Variants in INPP4B observed in about 807,000 individuals in gnomAD.
INPP4B encodes inositol polyphosphate 4-phosphatase type II.
INPP4B carries 55 observed loss-of-function variants against 122.5 expected under a neutral mutation model. That is an observed-to-expected ratio of 0.45 (90% CI 0.36 to 0.56). The LOEUF (loss-of-function observed/expected upper bound fraction) is 0.56, where lower values mean the gene tolerates loss of function less well. INPP4B is among the 20% of genes least tolerant of loss of function. The probability of loss-of-function intolerance (pLI) is 0.00; values close to 1 mark genes in which losing one functional copy is unlikely to be tolerated. For synonymous variants in INPP4B, 403 were observed against 388.7 expected (o/e 1.04, Z -0.43); for missense variants, 1,000 against 1,097.7 (o/e 0.91, Z 1.26).
intron 12 of INPP4B, among the ~76,000 whole-genome samples, chr4:142,219,394 TA>T (rs1240990160): frequency 6.6e-6 from 1 of 152,218 alleles, no homozygotes; most frequent in Non-Finnish European, 1.5e-5. Flanking sequence ...TTGATAAAGT[TA>T]AATTGGTATT....
intron 1 of INPP4B, among the ~76,000 whole-genome samples, chr4:142,741,424 T>C (rs1337968933): frequency 6.6e-6 from 1 of 151,912 alleles, no homozygotes; most frequent in Non-Finnish European, 1.5e-5. Flanking sequence ...GCTGAGTCAT[T>C]CATGAGATAT....
At chr4:142,784,364 A>AAAAT (rs3080884) in intron 1 of INPP4B, among the ~76,000 whole-genome samples, 27,871 of 137,502 alleles carry the variant, frequency 0.2, 2,870 homozygotes, top group South Asian at 0.25. Flanking sequence ...CTCTGTCTCA[A>AAAAT]AAATAAATAA....
chr4:142,384,781 A>T (rs1795383844), intron 7 of INPP4B, among the ~76,000 whole-genome samples: 1 of 152,142 alleles, frequency 6.6e-6, no homozygotes, highest in Non-Finnish European at 1.5e-5. Flanking sequence ...TTTGTCACCC[A>T]GGTATTAAGC....
chr4:142,826,147 C>T (rs1397754097), intron 1 of INPP4B, among the ~76,000 whole-genome samples: 5 of 151,954 alleles, frequency 3.3e-5, no homozygotes, highest in Admixed American at 6.6e-5. Context: ...ATATGAGAAA[C>T]GGTAATCACA....
chr4:142,134,519 T>C (rs1802969858), intron 18 of INPP4B, among the ~76,000 whole-genome samples: 1 of 152,226 alleles, frequency 6.6e-6, no homozygotes, highest in South Asian at 2.1e-4. Flanking sequence ...TTTGATTATT[T>C]AAGTTTTAAA....
chr4:142,444,779 C>T (rs761394064), intron 3 of INPP4B, among the ~76,000 whole-genome samples: 3 of 151,960 alleles, frequency 2.0e-5, no homozygotes, highest in Non-Finnish European at 2.9e-5. Context: ...CAATGATAAA[C>T]TGGATAAAGA....
chr4:142,562,502 C>T (rs1219549923), intron 2 of INPP4B, among the ~76,000 whole-genome samples: 1 of 152,124 alleles, frequency 6.6e-6, no homozygotes, highest in African/African-American at 2.4e-5. Flanking sequence ...ACTTTTTCCC[C>T]TCAATGAATA....
At chr4:142,190,844 G>T (rs748395178) in intron 15 of INPP4B, among the ~76,000 whole-genome samples, 33 of 151,934 alleles carry the variant, frequency 2.2e-4, no homozygotes, top group Non-Finnish European at 4.9e-4. Context: ...ATTATTCAGA[G>T]TCTAACCACA....
At chr4:142,507,798 C>T (rs145095824) in intron 2 of INPP4B, among the ~76,000 whole-genome samples, 1 of 152,066 alleles carries the variant, frequency 6.6e-6, no homozygotes, top group Non-Finnish European at 1.5e-5. Context: ...ACACCAGACC[C>T]CTCCATAGAC....
intron 2 of INPP4B, among the ~76,000 whole-genome samples, chr4:142,488,112 T>C (rs1034265400): frequency 6.6e-6 from 1 of 152,114 alleles, no homozygotes; most frequent in Non-Finnish European, 1.5e-5. Flanking sequence ...TTATTATGAA[T>C]GAATGTTGAA....
chr4:142,126,496 G>T (rs3775642), intron 18 of INPP4B, among the ~76,000 whole-genome samples: 19,072 of 152,036 alleles, frequency 0.13, 1,367 homozygotes, highest in East Asian at 0.23. Context: ...TACATTCTTA[G>T]TAATACTCTA....
intron 2 of INPP4B, among the ~76,000 whole-genome samples, chr4:142,554,673 T>C (rs555104625): frequency 6.6e-6 from 1 of 152,326 alleles, no homozygotes; most frequent in East Asian, 1.9e-4. Flanking sequence ...TCAACCTCAC[T>C]AATGGATTTT....
At chr4:142,537,501 T>C (rs1828425566) in intron 2 of INPP4B, among the ~76,000 whole-genome samples, 1 of 127,510 alleles carries the variant, frequency 7.8e-6, no homozygotes, top group Non-Finnish European at 1.7e-5. Flanking sequence ...CACAAACACA[T>C]AAAGTGAGTC....
intron 25 of INPP4B, among the ~76,000 whole-genome samples, chr4:142,043,260 A>ATAAGATACATTT (rs1369435177): frequency 1.3e-5 from 2 of 152,248 alleles, no homozygotes; most frequent in Non-Finnish European, 2.9e-5. Context: ...AGGAAAGAGA[A>ATAAGATACATTT]TAAGATACAT....
At chr4:142,269,500 G>GA (rs1200419060) in intron 10 of INPP4B, among the ~76,000 whole-genome samples, 1 of 152,070 alleles carries the variant, frequency 6.6e-6, no homozygotes, top group Non-Finnish European at 1.5e-5. Flanking sequence ...TGCATTTGTG[G>GA]AATCTAAAAG....
intron 2 of INPP4B, among the ~76,000 whole-genome samples, chr4:142,646,302 C>T (rs1751765876): frequency 6.6e-6 from 1 of 151,900 alleles, no homozygotes. Context: ...AAATCTACAT[C>T]AAAGTAAGTC....
At chr4:142,691,974 T>G (rs1275565547) in intron 2 of INPP4B, among the ~76,000 whole-genome samples, 1 of 152,150 alleles carries the variant, frequency 6.6e-6, no homozygotes, top group Non-Finnish European at 1.5e-5. Flanking sequence ...TATGAAGAAT[T>G]ACAGAATGTT....
chr4:142,633,143 T>C (rs917822896), intron 2 of INPP4B, among the ~76,000 whole-genome samples: 3 of 151,950 alleles, frequency 2.0e-5, no homozygotes, highest in Non-Finnish European at 4.4e-5. Context: ...GAAAAATTGC[T>C]AACGACAAAA....
At chr4:142,576,853 C>T (rs546910609) in intron 2 of INPP4B, among the ~76,000 whole-genome samples, 72 of 152,064 alleles carry the variant, frequency 4.7e-4, no homozygotes, top group Admixed American at 1.6e-3. Context: ...ATATTTTCCA[C>T]GGTAAGGTTT....
Sources: allele counts gnomAD v4.1 joint callset (sites outside exome capture counted in the v4.1 genomes callset), GRCh38; gene constraint gnomAD v4.1.1; transcripts MANE v1.5; gene names NCBI Gene and HGNC (gene_info 2026-07-23, HGNC 2026-07-21).